Variants in DUSP22 observed in about 807,000 individuals in gnomAD.
DUSP22 encodes dual specificity phosphatase 22, also known as dual specificity protein phosphatase 22.
DUSP22 carries 24 observed loss-of-function variants against 24.5 expected under a neutral mutation model. That is an observed-to-expected ratio of 0.98 (90% CI 0.71 to 1.38). DUSP22 has a LOEUF of 1.38. DUSP22 is among the 40% of genes most tolerant of loss of function. The pLI is 0.00. For synonymous variants in DUSP22, 160 were observed against 106.4 expected, an observed-to-expected ratio of 1.50 and a Z score of -3.10; for missense variants, 330 against 269.2, an observed-to-expected ratio of 1.23 and a Z score of -1.58.
At chr6:335,256 G>A (rs1304684217) in intron 4 of DUSP22, 93 bp downstream of exon 4, 25 of 1,488,346 alleles carry the variant, frequency 1.7e-5, no homozygotes, top group African/African-American at 4.1e-5. Context: ...GAAGTTGTCA[G>A]AGCTCACGGG....
intron 2 of DUSP22, among the ~76,000 whole-genome samples, chr6:305,727 T>A (rs1426402808): frequency 6.6e-6 from 1 of 152,300 alleles, no homozygotes; most frequent in Non-Finnish European, 1.5e-5. Flanking sequence ...AAGATAGAGA[T>A]GAGGGGCCCT....
chr6:297,644 AT>A (rs1213783495), intron 1 of DUSP22, among the ~76,000 whole-genome samples: 1 of 152,308 alleles, frequency 6.6e-6, no homozygotes, highest in Non-Finnish European at 1.5e-5. Context: ...GTTGGCAGAT[AT>A]CCCCTGGGGA....
In DUSP22 at chr6:350,972, C is replaced by A; in HGVS notation, c.*2021C>A. 6.6e-7 allele frequency: 1 copy of A among 1,512,294 alleles called. No homozygotes were observed. Among genetic ancestry groups the A allele is most frequent in the Non-Finnish European group, 9.1e-7 (1 of 1,096,278 alleles). 93.7% of individuals were successfully genotyped at this position (1,512,294 alleles called of 1,614,324 possible). A position where few individuals can be genotyped will look rare whatever the true frequency, so the allele number is the denominator to read the frequency against. On this transcript the variant is annotated 3_prime_UTR_variant, in exon 7 of 7. Transcript: ENST00000419235. ...TAAGTATCCAGTAGTGATTTGTAAA[C>A]TTGTTTTTCATTTGAAGCTGAATAT...
At chr6:311,046 G>C (rs934164161) in intron 2 of DUSP22, among the ~76,000 whole-genome samples, 15 of 152,420 alleles carry the variant, frequency 9.8e-5, no homozygotes, top group African/African-American at 3.6e-4. Context: ...GAGTAAAATA[G>C]GGGCTCAAGT....
At chr6:308,148 C>CA (rs1348234554) in intron 2 of DUSP22, among the ~76,000 whole-genome samples, 1 of 152,296 alleles carries the variant, frequency 6.6e-6, no homozygotes, top group African/African-American at 2.4e-5. Context: ...ATCAAGTAGA[C>CA]ATGGGGTCTA....
chr6:328,994 T>C (rs1183279744), intron 3 of DUSP22, among the ~76,000 whole-genome samples: 1 of 152,308 alleles, frequency 6.6e-6, no homozygotes, highest in Non-Finnish European at 1.5e-5. Flanking sequence ...TTATGGGCTA[T>C]GTGAAAGTCA....
intron 3 of DUSP22, among the ~76,000 whole-genome samples, chr6:327,794 C>A (rs1361195110): frequency 3.3e-5 from 5 of 152,288 alleles, no homozygotes; most frequent in Non-Finnish European, 7.3e-5. Flanking sequence ...GAGAGAAAAC[C>A]ACAGGGACTT....
intron 2 of DUSP22, 83 bp from the exon 3 acceptor site, chr6:311,797 G>GTTT (rs74274493): frequency 2.1e-4 from 246 of 1,158,194 alleles, no homozygotes; most frequent in South Asian, 7.0e-4. Context: ...CATTTTGTGG[G>GTTT]TTTTTTTTTT....
chr6:317,968 T>C (rs59958279), intron 3 of DUSP22, among the ~76,000 whole-genome samples: 2 of 152,422 alleles, frequency 1.3e-5, no homozygotes, highest in African/African-American at 4.8e-5. Flanking sequence ...AAGAGTGATT[T>C]CTTTATCATG....
intron 3 of DUSP22, among the ~76,000 whole-genome samples, chr6:315,717 C>T (rs111599086): frequency 9.5e-4 from 145 of 152,378 alleles, no homozygotes; most frequent in Non-Finnish European, 1.7e-3. Flanking sequence ...TCACACATCC[C>T]GTCCCTTTCC....
chr6:306,612 C>T (rs560730062), intron 2 of DUSP22, among the ~76,000 whole-genome samples: 99 of 152,374 alleles, frequency 6.5e-4, no homozygotes, highest in Non-Finnish European at 1.2e-3. Flanking sequence ...ATTTATTAAA[C>T]GCTTTCCAGG....
intron 3 of DUSP22, 36 bp downstream of exon 3, chr6:311,998 C>T (rs1758129745): frequency 5.0e-6 from 8 of 1,593,544 alleles, no homozygotes; most frequent in Non-Finnish European, 6.8e-6. Context: ...TGGGTGTCCT[C>T]ATTTGTATTC....
intron 3 of DUSP22, among the ~76,000 whole-genome samples, chr6:314,921 A>G (rs1758273655): frequency 6.6e-6 from 1 of 152,310 alleles, no homozygotes; most frequent in Non-Finnish European, 1.5e-5. Context: ...TTCCCAAAAT[A>G]GCATTCATAG....
intron 1 of DUSP22, among the ~76,000 whole-genome samples, chr6:303,203 C>T (rs1173267952): frequency 6.6e-6 from 1 of 152,306 alleles, no homozygotes; most frequent in East Asian, 1.9e-4. Flanking sequence ...CAGAGAACAT[C>T]AGTGGGATCC....
intron 3 of DUSP22, among the ~76,000 whole-genome samples, chr6:316,027 G>A (rs1220381179): frequency 6.6e-6 from 1 of 152,310 alleles, no homozygotes; most frequent in African/African-American, 2.4e-5. Flanking sequence ...ACATTTGACT[G>A]GGCCTTTGGC....
chr6:349,026 G>A lies in DUSP22; in HGVS notation c.*75G>A, dbSNP rs1048533456. ...GGCTGGGCAGGGGTGCGGTGGTGGT[G>A]GCCGATGAGGACAGGAAAGGGAGAT... On this transcript the variant is annotated 3_prime_UTR_variant, in exon 7 of 7. Transcript: ENST00000419235. 2.6e-6 allele frequency: 4 copies of A among 1,530,608 alleles called. No individual in the cohort carries two copies. The highest frequency in any genetic ancestry group is 3.5e-6 in the Non-Finnish European group (4 of 1,137,690). 94.8% of individuals were successfully genotyped at this position (1,530,608 alleles called of 1,614,324 possible).
chr6:343,983 G>A (rs949381783), intron 4 of DUSP22, among the ~76,000 whole-genome samples: 1 of 152,306 alleles, frequency 6.6e-6, no homozygotes, highest in African/African-American at 2.4e-5. Flanking sequence ...CCATTCAAAG[G>A]TAGAAGACGT....
intron 2 of DUSP22, among the ~76,000 whole-genome samples, chr6:304,876 A>G (rs1372773559): frequency 6.7e-5 from 10 of 148,394 alleles, no homozygotes; most frequent in African/African-American, 2.2e-4. Flanking sequence ...AGCCCCGGGC[A>G]GCCACCATTC....
chr6:297,574 CT>C (rs1757396752), intron 1 of DUSP22, among the ~76,000 whole-genome samples: 1 of 152,306 alleles, frequency 6.6e-6, no homozygotes, highest in Non-Finnish European at 1.5e-5. Flanking sequence ...CATCTCAGAT[CT>C]TCACCCAATA....
Sources: allele counts gnomAD v4.1 joint callset (sites outside exome capture counted in the v4.1 genomes callset), GRCh38; gene constraint gnomAD v4.1.1; transcripts MANE v1.5; gene names NCBI Gene and HGNC (gene_info 2026-07-23, HGNC 2026-07-21).